RSBN1: variants seen among roughly 807,000 people sequenced by gnomAD.
RSBN1 encodes round spermatid basic protein 1, also known as lysine-specific demethylase 9.
In RSBN1, 23 loss-of-function variants were observed where a neutral mutation model predicts 74.8. The ratio of observed to expected loss-of-function variants is 0.31; its 90% CI spans 0.22 to 0.44. The LOEUF is 0.44. RSBN1 is among the 20% of genes least tolerant of loss of function. The pLI, the probability that RSBN1 is intolerant of heterozygous loss-of-function variation, is 1.00. For missense variants in RSBN1, 808 were observed against 1,020.9 expected (o/e 0.79, Z 2.84); for synonymous variants, 407 against 379.6 (o/e 1.07, Z -0.84).
rs868618821 is a variant in RSBN1, at chr1:113,799,701, C to G, written c.704-1665G>C. ...CTAAATGTCTAGCTTTTCTGCTTAT[C>G]TGTATTTTCTAATTTTCTAAAATAA... On this transcript the variant is annotated intron_variant, in intron 1 of 6. Coordinates refer to ENST00000261441, the MANE Select transcript of RSBN1 (RefSeq NM_018364.5). Among the ~76,000 whole-genome samples the G allele has an allele frequency of 3.9e-5, 6 of 152,036 alleles. No individual in the cohort carries two copies. The South Asian group carries it at 8.3e-4, about 21-fold the overall frequency.
At position 113,767,022 on chromosome 1, in the gene RSBN1, A is replaced by C. The variant is rs1659793694; in HGVS notation, c.1935+77T>G. ...CTCACTATCCCACATATCAGACTGT[A>C]AGATAAAATTCAAAATAAAATGGGT... is the stretch of plus-strand genomic sequence containing the variant. On this transcript the variant is annotated intron_variant, in intron 6 of 6. Transcript: ENST00000261441. 2.9e-5 allele frequency: 22 copies of C among 766,798 alleles called. No homozygotes were observed. In the South Asian group the frequency reaches 3.9e-4, roughly 14 times the overall value. 47.5% of individuals were successfully genotyped at this position (766,798 alleles called of 1,614,324 possible).
At position 113,811,992 on chromosome 1, in the gene RSBN1, G is replaced by C; in HGVS notation, c.421C>G (p.Leu141Val). 6.4e-7 allele frequency: 1 copy of C among 1,559,988 alleles called. No individual in the cohort carries two copies. The highest frequency in any genetic ancestry group is 8.7e-7 in the Non-Finnish European group (1 of 1,152,540). Reference protein sequence around the residue: ...APTVPGPVEPLLLPPPPPPSL... With the variant: ...APTVPGPVEPVLLPPPPPPSL... The stretch of plus-strand genomic sequence containing the variant: ...GGTGGCGGCGGAGGCGGCAGGAGAA[G>C]AGGCTCAACAGGGCCTGGGACAGTT... The change falls in exon 1 of 7, where the codon CTT becomes GTT. Residue 141 changes from leucine (L) to valine (V), a missense_variant. Around this residue, in one of 6 missense-constraint regions of RSBN1, gnomAD observed 464 missense variants for 401.0 expected, o/e 1.16. Coordinates refer to ENST00000261441, the MANE Select transcript of RSBN1 (RefSeq NM_018364.5).
Position 113,797,858 on chromosome 1 carries a change from G to A in RSBN1, c.882C>T (p.Thr294=), listed in dbSNP as rs200346628. The A allele has an allele frequency of 1.2e-5, 19 of 1,613,690 alleles. 1 individual carries two copies. The South Asian group carries it at 1.4e-4, about 12-fold the overall frequency. The change falls in exon 2 of 7, where the codon ACC becomes ACT. Residue 294 remains threonine (T), a synonymous_variant. Coordinates refer to ENST00000261441, the MANE Select transcript of RSBN1 (RefSeq NM_018364.5). ...CTGAAGTGCTATTTATTTGTCCTTGGGTGAGAATTTCTTTACTGATGCGGG... is the reference window on the plus strand; with the variant it reads ...CTGAAGTGCTATTTATTTGTCCTTGAGTGAGAATTTCTTTACTGATGCGGG... The part of the protein sequence containing the change: ...GLTRISKEIL[T]QGQINSTSGL...
At chr1:113,790,584 A>T (rs934965097) in intron 2 of RSBN1, among the ~76,000 whole-genome samples, 1 of 152,226 alleles carries the variant, frequency 6.6e-6, no homozygotes, top group Admixed American at 6.5e-5. Flanking sequence ...TTCCCAGGCA[A>T]TGTTGACAAC....
rs182554343 is a variant in RSBN1, at chr1:113,774,246, G to A, written c.1658+2964C>T. 2.8e-4 allele frequency among the ~76,000 whole-genome samples: 42 copies of A among 152,208 alleles called. No homozygotes were observed. In the East Asian group the frequency reaches 8.1e-3, roughly 29 times the overall value. On this transcript the variant is annotated intron_variant, in intron 4 of 6. Transcript: ENST00000261441. ...GAACTGGAAAGTGATGCTAATGATGGCCTTTGTGAACAGGTACAAACTGGC... is the reference window on the plus strand; with the variant it reads ...GAACTGGAAAGTGATGCTAATGATGACCTTTGTGAACAGGTACAAACTGGC...
chr1:113,774,986 T>C (rs932838091), intron 4 of RSBN1, among the ~76,000 whole-genome samples: 25 of 152,000 alleles, frequency 1.6e-4, no homozygotes, highest in Admixed American at 1.3e-4. Flanking sequence ...TTTATGGCTA[T>C]ATATAATTTG....
chr1:113,801,095 T>A (rs1660575939), intron 1 of RSBN1, among the ~76,000 whole-genome samples: 1 of 151,876 alleles, frequency 6.6e-6, no homozygotes, highest in Non-Finnish European at 1.5e-5. Context: ...GTCTCCTGCC[T>A]CTCGGCCTTC....
intron 4 of RSBN1, among the ~76,000 whole-genome samples, chr1:113,774,213 G>A (rs996904761): frequency 1.3e-5 from 2 of 152,012 alleles, no homozygotes; most frequent in African/African-American, 2.4e-5. Flanking sequence ...GTGACATCAC[G>A]CAATGTGGAA....
chr1:113,777,636 A>T (rs1292484780), intron 3 of RSBN1, 35 bp downstream of exon 3: 4 of 1,580,084 alleles, frequency 2.5e-6, no homozygotes, highest in South Asian at 2.3e-5. Flanking sequence ...ACTTAAGTAA[A>T]GATCAAAACT....
chr1:113,811,410 A>G (rs1372555015), intron 1 of RSBN1, among the ~76,000 whole-genome samples: 2 of 152,144 alleles, frequency 1.3e-5, no homozygotes, highest in Non-Finnish European at 2.9e-5. Flanking sequence ...ATTTTTTAGT[A>G]CCCCACCTAC....
intron 4 of RSBN1, among the ~76,000 whole-genome samples, chr1:113,772,460 G>A (rs1659902834): frequency 1.3e-5 from 2 of 151,758 alleles, no homozygotes; most frequent in African/African-American, 2.4e-5. Flanking sequence ...TTTGCCTCTC[G>A]TAAAAATATA....
intron 4 of RSBN1, among the ~76,000 whole-genome samples, chr1:113,777,002 T>A (rs1293346587): frequency 6.6e-6 from 1 of 151,944 alleles, no homozygotes; most frequent in Non-Finnish European, 1.5e-5. Context: ...AGGGCACAGG[T>A]TTTTAAAAAA....
At chr1:113,811,245 C>A (rs1408047208) in intron 1 of RSBN1, among the ~76,000 whole-genome samples, 1 of 152,178 alleles carries the variant, frequency 6.6e-6, no homozygotes, top group African/African-American at 2.4e-5. Flanking sequence ...CTAAGTCAAC[C>A]AGTGAGTCGT....
In RSBN1 at chr1:113,797,880, C is replaced by G; in HGVS notation, c.860G>C (p.Arg287Pro). Reference sequence around the variant, plus strand: ...TTGGGTGAGAATTTCTTTACTGATGCGGGTCAGGCCAGCACAGACGGTTTG... The same window carrying G: ...TTGGGTGAGAATTTCTTTACTGATGGGGGTCAGGCCAGCACAGACGGTTTG... ...EVQTVCAGLT[R>P]ISKEILTQGQ... is the part of the protein sequence containing the mutation. Residue 287 changes from arginine (R) to proline (P), a missense_variant, in exon 2 of 7, where the codon CGC (arginine) becomes CCC (proline). Transcript: ENST00000261441. 1 of 1,613,280 alleles carries G rather than the reference C, an allele frequency of 6.2e-7. No homozygotes were observed. The highest frequency in any genetic ancestry group is 8.5e-7 in the Non-Finnish European group (1 of 1,179,870).
At chr1:113,783,607 T>C (rs972614482) in intron 2 of RSBN1, among the ~76,000 whole-genome samples, 4 of 152,220 alleles carry the variant, frequency 2.6e-5, no homozygotes, top group African/African-American at 9.6e-5. Context: ...GACAGCTAAA[T>C]GCGGCCTGTG....
At chr1:113,786,248 T>C (rs1206880921) in intron 2 of RSBN1, among the ~76,000 whole-genome samples, 2 of 152,212 alleles carry the variant, frequency 1.3e-5, no homozygotes, top group East Asian at 3.9e-4. Context: ...AACTACTCTC[T>C]CTTCTGGAGG....
intron 2 of RSBN1, among the ~76,000 whole-genome samples, chr1:113,794,229 G>A (rs1473245076): frequency 6.6e-6 from 1 of 152,066 alleles, no homozygotes; most frequent in Non-Finnish European, 1.5e-5. Context: ...CAGTTTGGAC[G>A]TGGAGCATTT....
intron 2 of RSBN1, among the ~76,000 whole-genome samples, chr1:113,793,535 T>C (rs777251424): frequency 6.6e-6 from 1 of 152,176 alleles, no homozygotes; most frequent in Non-Finnish European, 1.5e-5. Context: ...GATTCCACCC[T>C]TAGTTTCATC....
rs771593313 is a variant in RSBN1, at chr1:113,766,184, T to C, written c.2205A>G (p.Gln735=). The change falls in exon 7 of 7, where the codon CAA becomes CAG. Residue 735 remains glutamine, a synonymous_variant. Coordinates refer to ENST00000261441, the MANE Select transcript of RSBN1 (RefSeq NM_018364.5). ...TGKRELEVDS[Q]CVRIKTESEE... ...CAGATTCAGTTTTTATCCTCACACA[T>C]TGGGAGTCAACTTCTAATTCTCGCT... 7.9e-5 allele frequency: 128 copies of C among 1,614,080 alleles called. No homozygotes were observed. The African/African-American group carries it at 1.3e-3, about 17-fold the overall frequency.
Sources: allele counts gnomAD v4.1 joint callset (sites outside exome capture counted in the v4.1 genomes callset), GRCh38; gene constraint gnomAD v4.1.1; regional missense constraint gnomAD v4.1.1; transcripts MANE v1.5; gene names NCBI Gene and HGNC (gene_info 2026-07-23, HGNC 2026-07-21).